Variants in RBM19 observed in about 807,000 individuals in gnomAD.
The protein encoded by RBM19 is RNA binding motif protein 19, also known as probable RNA-binding protein 19.
RBM19 carries 94 observed loss-of-function variants against 116.8 expected under a neutral mutation model. The observed-to-expected ratio is 0.80, with a 90% CI of 0.68 to 0.95. The LOEUF is 0.95. Among genes scored for constraint, RBM19 ranks in the 40% least tolerant of loss-of-function variants. The pLI, the probability that RBM19 is intolerant of heterozygous loss-of-function variation, is 0.00. For synonymous variants in RBM19, 475 were observed against 494.1 expected, an observed-to-expected ratio of 0.96 and a Z score of 0.51; for missense variants, 1,161 against 1,220.7, an observed-to-expected ratio of 0.95 and a Z score of 0.73.
intron 21 of RBM19, among the ~76,000 whole-genome samples, chr12:113,872,044 G>A (rs1352334069): frequency 9.6e-5 from 14 of 145,874 alleles, no homozygotes; most frequent in South Asian, 4.7e-4. Context: ...AGTGAGGAGC[G>A]TCTCCGCCCA....
intron 23 of RBM19, among the ~76,000 whole-genome samples, chr12:113,828,102 A>G (rs1875038329): frequency 6.8e-6 from 1 of 147,532 alleles, no homozygotes; most frequent in Non-Finnish European, 1.5e-5. Context: ...TCTGTCTCAA[A>G]AAAAAAAAAA....
chr12:113,863,702 A>G (rs1878587684), intron 21 of RBM19, among the ~76,000 whole-genome samples: 1 of 152,218 alleles, frequency 6.6e-6, no homozygotes, highest in Admixed American at 6.5e-5. Context: ...TTGAGAAAAG[A>G]AAGTCTGCTG....
intron 17 of RBM19, 40 bp from the exon 18 acceptor site, chr12:113,924,797 C>A: frequency 6.6e-7 from 1 of 1,503,928 alleles, no homozygotes; most frequent in East Asian, 2.3e-5. Context: ...CAGCTCTAAA[C>A]CACTATGCAG....
At chr12:113,920,886 A>G (rs1158316061) in intron 18 of RBM19, among the ~76,000 whole-genome samples, 196 bp from the exon 19 acceptor site, 1 of 152,128 alleles carries the variant, frequency 6.6e-6, no homozygotes, top group Non-Finnish European at 1.5e-5. Context: ...CGCAGTTAAC[A>G]TGGCTGCCAC....
In RBM19 at chr12:113,920,675, A is replaced by G. The variant is rs752515852; in HGVS notation, c.2321T>C (p.Met774Thr). 1 of 1,613,606 alleles carries G rather than the reference A, an allele frequency of 6.2e-7. No individual in the cohort carries two copies. The highest frequency in any genetic ancestry group is 1.1e-5 in the South Asian group (1 of 91,058). The change falls in exon 19 of 24, where the codon ATG becomes ACG. Residue 774 changes from methionine to threonine, a missense_variant. Coordinates refer to ENST00000261741, the MANE Select transcript of RBM19 (RefSeq NM_016196.4). ...CCTGTATTCCACAAATCCAAACCCC[A>G]TGGAAAGGAGCACTCCTGAGAGAGA... ...KKNKAGVLLS[M>T]GFGFVEYRKP...
At chr12:113,883,158 G>A (rs192037352) in intron 21 of RBM19, among the ~76,000 whole-genome samples, 1 of 152,316 alleles carries the variant, frequency 6.6e-6, no homozygotes, top group East Asian at 1.9e-4. Flanking sequence ...GCAGGTCATC[G>A]CCTCTAAAGA....
At chr12:113,882,667 C>T (rs1330896014) in intron 21 of RBM19, among the ~76,000 whole-genome samples, 4 of 152,166 alleles carry the variant, frequency 2.6e-5, no homozygotes, top group Admixed American at 6.5e-5. Context: ...GGGCCCATGC[C>T]GAGCCCAGGG....
At chr12:113,879,907 G>A (rs1392301483) in intron 21 of RBM19, among the ~76,000 whole-genome samples, 2 of 151,990 alleles carry the variant, frequency 1.3e-5, no homozygotes, top group African/African-American at 2.4e-5. Flanking sequence ...GGTGAGCAGA[G>A]AGGGGCTGAG....
intron 11 of RBM19, 73 bp downstream of exon 11, chr12:113,947,257 TACAC>T: frequency 8.6e-6 from 12 of 1,400,734 alleles, no homozygotes; most frequent in South Asian, 3.1e-5. Context: ...TCCACACACA[TACAC>T]ACACACACAC....
chr12:113,859,906 A>G (rs1878228422), intron 21 of RBM19, among the ~76,000 whole-genome samples: 1 of 152,200 alleles, frequency 6.6e-6, no homozygotes, highest in Non-Finnish European at 1.5e-5. Context: ...TGGGTAAAAA[A>G]CACAGTAAAG....
chr12:113,905,370 AATG>A (rs1881970346), intron 21 of RBM19, among the ~76,000 whole-genome samples: 1 of 152,194 alleles, frequency 6.6e-6, no homozygotes, highest in African/African-American at 2.4e-5. Flanking sequence ...CTTTGCAATA[AATG>A]ATATTGGGCC....
intron 21 of RBM19, among the ~76,000 whole-genome samples, chr12:113,911,089 C>G (rs924419675): frequency 1.3e-5 from 2 of 152,174 alleles, no homozygotes; most frequent in Admixed American, 6.5e-5. Flanking sequence ...CACTTCCTTC[C>G]TTCCTTCTTT....
chr12:113,888,023 A>G (rs1243918399), intron 21 of RBM19, among the ~76,000 whole-genome samples: 3 of 152,156 alleles, frequency 2.0e-5, no homozygotes, highest in Admixed American at 2.0e-4. Context: ...TGCCTGGCTC[A>G]TCCCAACTTT....
chr12:113,940,247 A>G, intron 14 of RBM19, 87 bp from the exon 15 acceptor site: 2 of 1,385,558 alleles, frequency 1.4e-6, no homozygotes, highest in Admixed American at 3.9e-5. Context: ...GGCTCTCCAG[A>G]CAAGGCTCTC....
At chr12:113,819,157 G>C (rs1238032289), downstream of RBM19, among the ~76,000 whole-genome samples, 1 of 152,188 alleles carries the variant, frequency 6.6e-6, no homozygotes, top group Non-Finnish European at 1.5e-5. Flanking sequence ...GAGGACAGCA[G>C]ATGCGGTTCC....
intron 12 of RBM19, 54 bp from the exon 13 acceptor site, chr12:113,945,978 T>G (rs1870983871): frequency 6.9e-7 from 1 of 1,456,682 alleles, no homozygotes; most frequent in Non-Finnish European, 9.6e-7. Context: ...TGAGGGGAAC[T>G]CGTTCTCAGA....
downstream of RBM19, among the ~76,000 whole-genome samples, chr12:113,821,414 G>A (rs530793409): frequency 3.9e-5 from 6 of 152,258 alleles, no homozygotes; most frequent in Admixed American, 2.0e-4. Context: ...GCCATGTGCC[G>A]CCGAACAGGA....
intron 21 of RBM19, among the ~76,000 whole-genome samples, chr12:113,890,306 CT>C (rs1408734974): frequency 6.6e-6 from 1 of 152,146 alleles, no homozygotes; most frequent in Admixed American, 6.5e-5. Context: ...CTCTGCTCTG[CT>C]GTTTTCTTTT....
intron 22 of RBM19, among the ~76,000 whole-genome samples, chr12:113,854,746 C>T (rs181048417): frequency 6.6e-6 from 1 of 152,278 alleles, no homozygotes; most frequent in East Asian, 1.9e-4. Flanking sequence ...AGCTCAGTAA[C>T]AGACCGGGGT....
Sources: allele counts gnomAD v4.1 joint callset (sites outside exome capture counted in the v4.1 genomes callset), GRCh38; gene constraint gnomAD v4.1.1; transcripts MANE v1.5; gene names NCBI Gene and HGNC (gene_info 2026-07-23, HGNC 2026-07-21).